ZNF423: variants seen among roughly 807,000 people sequenced by gnomAD.
The protein encoded by ZNF423 is zinc finger protein 423.
A neutral mutation model predicts 95.8 loss-of-function variants in ZNF423; 12 were observed. That is an observed-to-expected ratio of 0.13 (90% CI 0.08 to 0.20). The LOEUF is 0.20. Ranked by LOEUF, ZNF423 falls within the 10% of genes least tolerant of loss-of-function variation. ZNF423 has a pLI of 1.00. For missense variants in ZNF423, 1,316 were observed against 1,737.1 expected (o/e 0.76, Z 4.31); for synonymous variants, 749 against 711.9 (o/e 1.05, Z -0.83).
At position 49,718,782 on chromosome 16, in the gene ZNF423, T is replaced by C. The variant is rs1235097738; in HGVS notation, c.301+11989A>G. On this transcript the variant is annotated intron_variant, in intron 3 of 7. Transcript: ENST00000563137. ...CTGGGCAGTCCTCTGGGTCCCCTTT[T>C]GTAAGAGCACTCATCCCATTCTTCC... Among the ~76,000 whole-genome samples, 6 of 152,148 alleles carry C rather than the reference T, an allele frequency of 3.9e-5. No individual in the cohort carries two copies. In the East Asian group the frequency reaches 1.2e-3, roughly 29 times the overall value.
intron 5 of ZNF423, among the ~76,000 whole-genome samples, chr16:49,557,265 G>A (rs1030978297): frequency 6.6e-6 from 1 of 152,216 alleles, no homozygotes; most frequent in Non-Finnish European, 1.5e-5. Flanking sequence ...GGTAAATTCT[G>A]CCTAATCCCT....
chr16:49,510,849 G>A (rs549780561), intron 7 of ZNF423, among the ~76,000 whole-genome samples: 3 of 152,324 alleles, frequency 2.0e-5, no homozygotes, highest in South Asian at 2.1e-4. Context: ...GGTTCGGCTC[G>A]CCACACACAC....
chr16:49,667,601 G>T (rs887185313), intron 3 of ZNF423, among the ~76,000 whole-genome samples: 12 of 152,218 alleles, frequency 7.9e-5, no homozygotes, highest in Admixed American at 3.9e-4. Context: ...GAAACCGAGG[G>T]CTGGGCACAG....
At chr16:49,710,580 G>A (rs6416783) in intron 3 of ZNF423, among the ~76,000 whole-genome samples, 21 of 152,120 alleles carry the variant, frequency 1.4e-4, no homozygotes, top group Non-Finnish European at 2.5e-4. Flanking sequence ...CTCCATCCCC[G>A]GCATCCTGGT....
intron 5 of ZNF423, among the ~76,000 whole-genome samples, chr16:49,554,168 C>T (rs1226994706): frequency 6.6e-6 from 1 of 152,166 alleles, no homozygotes; most frequent in East Asian, 1.9e-4. Flanking sequence ...ACTTTACAGA[C>T]CCCACACCTG....
intron 2 of ZNF423, among the ~76,000 whole-genome samples, chr16:49,764,959 A>C (rs527489532): frequency 6.9e-6 from 1 of 145,218 alleles, no homozygotes; most frequent in Admixed American, 7.0e-5. Context: ...CGGTTTCACC[A>C]TGTTGGCCAG....
At chr16:49,764,897 G>A (rs962814766) in intron 2 of ZNF423, among the ~76,000 whole-genome samples, 13 of 150,178 alleles carry the variant, frequency 8.7e-5, no homozygotes, top group South Asian at 6.4e-4. Context: ...ACAGGTGTGC[G>A]CCACCACGCC....
In ZNF423 at chr16:49,635,577, C is replaced by A. The variant is rs984048970; in HGVS notation, c.3516+83G>T. ...ATAGCGCCGCTTCTTGGAAACACGG[C>A]ACTCAGGGTACGTGGCTCCTGTGGG... On this transcript the variant is annotated intron_variant, in intron 4 of 7. Coordinates refer to ENST00000563137, the MANE Select transcript of ZNF423 (RefSeq NM_001379286.1). This position sits in a 1 kb window ranked among gnomAD's most constrained non-coding sequence, Gnocchi z 4.8. 1.3e-4 allele frequency: 199 copies of A among 1,474,574 alleles called. No homozygotes were observed. Among genetic ancestry groups the A allele is most frequent in the Non-Finnish European group, 1.7e-4 (189 of 1,110,640 alleles). 91.3% of individuals were successfully genotyped at this position (1,474,574 alleles called of 1,614,324 possible).
At chr16:49,823,217 G>T (rs529497879) in intron 1 of ZNF423, among the ~76,000 whole-genome samples, 2 of 152,322 alleles carry the variant, frequency 1.3e-5, no homozygotes, top group Admixed American at 1.3e-4. Flanking sequence ...CTGGTCGGCT[G>T]GCATCACTAC....
At chr16:49,747,171 C>CA (rs1241855488) in intron 2 of ZNF423, among the ~76,000 whole-genome samples, 13 of 151,336 alleles carry the variant, frequency 8.6e-5, no homozygotes, top group Admixed American at 2.0e-4. Context: ...TTGTAATAGC[C>CA]AAAAAAAATT....
chr16:49,793,672 C>T (rs1000442963), intron 1 of ZNF423, among the ~76,000 whole-genome samples: 2 of 152,104 alleles, frequency 1.3e-5, no homozygotes, highest in South Asian at 4.1e-4. Flanking sequence ...AGGGACAGCA[C>T]GTGAAGCAAG....
At chr16:49,506,394 G>A (rs1260909588) in intron 7 of ZNF423, among the ~76,000 whole-genome samples, 1 of 152,138 alleles carries the variant, frequency 6.6e-6, no homozygotes, top group Non-Finnish European at 1.5e-5. Flanking sequence ...TGGATGAATT[G>A]GTGAGTGGGT....
chr16:49,832,399 T>G (rs2035070319), intron 1 of ZNF423, among the ~76,000 whole-genome samples: 1 of 152,104 alleles, frequency 6.6e-6, no homozygotes, highest in South Asian at 2.1e-4. Flanking sequence ...AAAGACAAGC[T>G]CCTGGGAATG....
intron 2 of ZNF423, among the ~76,000 whole-genome samples, chr16:49,785,008 G>A (rs1364763157): frequency 6.6e-6 from 1 of 151,732 alleles, no homozygotes; most frequent in Non-Finnish European, 1.5e-5. Context: ...AGGGGTAGGA[G>A]GGCAGGGGTG....
chr16:49,797,064 C>T (rs951579590), intron 1 of ZNF423, among the ~76,000 whole-genome samples: 13 of 152,130 alleles, frequency 8.5e-5, no homozygotes, highest in Non-Finnish European at 1.2e-4. Context: ...AGGCAAGGGG[C>T]ACGTGACTGC....
chr16:49,584,652 G>A (rs1316718430), intron 5 of ZNF423, among the ~76,000 whole-genome samples: 1 of 152,072 alleles, frequency 6.6e-6, no homozygotes, highest in Admixed American at 6.6e-5. Flanking sequence ...TGCTTGGCTT[G>A]TAGGTGGCCA....
intron 1 of ZNF423, chr16:49,853,892 T>C (rs2035328445): frequency 1.0e-6 from 1 of 985,270 alleles, no homozygotes; most frequent in African/African-American, 1.7e-5. Flanking sequence ...TAAGCAAGCT[T>C]TGCAAACTCA....
At chr16:49,677,315 G>GAAGAGAAGAGAAGAGAA (rs1567284183) in intron 3 of ZNF423, among the ~76,000 whole-genome samples, 1 of 17,650 alleles carries the variant, frequency 5.7e-5, no homozygotes, top group Non-Finnish European at 1.3e-4. Flanking sequence ...AGAGAAAGGA[G>GAAGAGAAGAGAAGAGAA]GGGAAGGGAG....
intron 3 of ZNF423, among the ~76,000 whole-genome samples, chr16:49,684,861 C>T (rs548303327): frequency 6.6e-6 from 1 of 152,350 alleles, no homozygotes; most frequent in South Asian, 2.1e-4. Flanking sequence ...ACGCGGCCAG[C>T]TGGAGTGTGT....
Sources: gnomAD v4.1 joint callset for allele counts (sites outside exome capture counted in the v4.1 genomes callset) on GRCh38, gnomAD v4.1.1 for gene constraint, Gnocchi (gnomAD v3.1) non-coding constraint, MANE v1.5 for transcripts, NCBI Gene and HGNC (gene_info 2026-07-23, HGNC 2026-07-21) for gene names.